DLG2: variants seen among roughly 807,000 people sequenced by gnomAD.
DLG2 encodes the protein discs large MAGUK scaffold protein 2, also known as disks large homolog 2.
In DLG2, 45 loss-of-function variants were observed where a neutral mutation model predicts 132.5. The observed-to-expected ratio is 0.34, with a 90% CI of 0.27 to 0.44. The LOEUF (loss-of-function observed/expected upper bound fraction) is 0.44, where lower values mean the gene tolerates loss of function less well. Ranked by LOEUF, DLG2 falls within the 20% of genes least tolerant of loss-of-function variation. DLG2 has a pLI of 1.00. For missense variants in DLG2, 1,045 were observed against 1,196.9 expected, an observed-to-expected ratio of 0.87 and a Z score of 1.87; for synonymous variants, 424 against 419.6, an observed-to-expected ratio of 1.01 and a Z score of -0.13.
chr11:85,458,622 G>A (rs1289113519), intron 3 of DLG2, among the ~76,000 whole-genome samples: 1 of 152,160 alleles, frequency 6.6e-6, no homozygotes, highest in Non-Finnish European at 1.5e-5. Flanking sequence ...GTTTTCAGAG[G>A]GCTGAGGCTT....
At chr11:84,659,412 A>G (rs530080267) in intron 6 of DLG2, among the ~76,000 whole-genome samples, 122 of 152,178 alleles carry the variant, frequency 8.0e-4, no homozygotes, top group African/African-American at 2.8e-3. Flanking sequence ...TCCTCTTAAT[A>G]TATCTCTTGA....
At chr11:84,788,618 T>C (rs2073324712) in intron 6 of DLG2, among the ~76,000 whole-genome samples, 1 of 152,134 alleles carries the variant, frequency 6.6e-6, no homozygotes, top group Non-Finnish European at 1.5e-5. Flanking sequence ...GTATATTTAT[T>C]ATAAATATAG....
intron 11 of DLG2, among the ~76,000 whole-genome samples, chr11:84,004,639 A>G (rs1592868374): frequency 6.6e-6 from 1 of 152,052 alleles, no homozygotes; most frequent in Admixed American, 6.6e-5. Context: ...CTGTACAACA[A>G]TAATAGTCAA....
At chr11:83,945,057 C>T (rs145111157) in intron 14 of DLG2, among the ~76,000 whole-genome samples, 5 of 152,252 alleles carry the variant, frequency 3.3e-5, no homozygotes, top group Non-Finnish European at 7.4e-5. Context: ...TATATGGTCA[C>T]AAATACCATC....
chr11:85,517,086 T>C (rs2094184245), intron 3 of DLG2, among the ~76,000 whole-genome samples: 1 of 152,066 alleles, frequency 6.6e-6, no homozygotes, highest in African/African-American at 2.4e-5. Flanking sequence ...CATGATCAAG[T>C]AGGGTTTATT....
At chr11:84,075,767 T>C (rs2096822107) in intron 10 of DLG2, among the ~76,000 whole-genome samples, 1 of 152,186 alleles carries the variant, frequency 6.6e-6, no homozygotes, top group African/African-American at 2.4e-5. Flanking sequence ...GTACTTATAC[T>C]CCTCATCTCT....
In DLG2 at chr11:85,259,257, C is replaced by G. The variant is rs537273282; in HGVS notation, c.186+25963G>C. ...TGTTTGAAAGTGTGTAACACCACCCCCTTCGCTCTCTCCTCTCTCCTGCTT... is the reference window on the plus strand; with the variant it reads ...TGTTTGAAAGTGTGTAACACCACCCGCTTCGCTCTCTCCTCTCTCCTGCTT... On this transcript the variant is annotated intron_variant, in intron 4 of 27. Transcript: ENST00000376104. 3.5e-4 allele frequency among the ~76,000 whole-genome samples: 53 copies of G among 152,186 alleles called. 2 individuals carry two copies. The South Asian group carries it at 0.01, about 30-fold the overall frequency.
intron 3 of DLG2, among the ~76,000 whole-genome samples, chr11:85,562,762 G>A (rs1161997208): frequency 6.6e-6 from 1 of 151,708 alleles, no homozygotes; most frequent in East Asian, 1.9e-4. Flanking sequence ...CCCATCTGCT[G>A]AGCCCTTTTA....
intron 8 of DLG2, among the ~76,000 whole-genome samples, chr11:84,206,978 C>T (rs2096675053): frequency 6.6e-6 from 1 of 151,598 alleles, no homozygotes; most frequent in South Asian, 2.1e-4. Context: ...ATGTATATTA[C>T]CAACCAACTG....
At position 84,502,240 on chromosome 11, in the gene DLG2, TTC is replaced by T; in HGVS notation, c.519+32328_519+32329del. Among the ~76,000 whole-genome samples the T allele has an allele frequency of 5.6e-5, 2 of 35,588 alleles. 1 individual carries two copies. The highest frequency in any genetic ancestry group is 9.4e-4 in the African/African-American group (2 of 2,118). 23.3% of individuals were successfully genotyped at this position (35,588 alleles called of 152,430 possible). A position where few individuals can be genotyped will look rare whatever the true frequency, so the allele number is the denominator to read the frequency against. On this transcript the variant is annotated intron_variant, in intron 7 of 27. Coordinates refer to ENST00000376104, the MANE Select transcript of DLG2 (RefSeq NM_001142699.3). ...CTTCCTTCCTTCCTTCCTTCCTTCC[TTC>T]CTTCCTTCCTTCCTTCCTTCCTTCC...
chr11:83,945,086 A>C (rs886851365), intron 14 of DLG2, among the ~76,000 whole-genome samples: 2 of 152,126 alleles, frequency 1.3e-5, no homozygotes, highest in Non-Finnish European at 1.5e-5. Context: ...TCTGTACAAC[A>C]ACAAACTTTC....
intron 15 of DLG2, among the ~76,000 whole-genome samples, chr11:83,885,344 T>C (rs889657349): frequency 6.6e-6 from 1 of 152,018 alleles, no homozygotes; most frequent in Admixed American, 6.6e-5. Flanking sequence ...AGAAAGGGTA[T>C]CAGTGATGGA....
chr11:83,877,054 C>A (rs2064956221), intron 15 of DLG2, among the ~76,000 whole-genome samples: 1 of 151,998 alleles, frequency 6.6e-6, no homozygotes, highest in African/African-American at 2.4e-5. Context: ...ATGCGTTTCC[C>A]AAAATGGAAA....
At chr11:83,641,864 T>TGA (rs1363739525) in intron 18 of DLG2, among the ~76,000 whole-genome samples, 1 of 4,090 alleles carries the variant, frequency 2.4e-4, no homozygotes, top group Admixed American at 0.018. Flanking sequence ...AGAGAGGGAG[T>TGA]GTGTGTGTGT....
chr11:84,287,156 T>G (rs929805334), intron 7 of DLG2, among the ~76,000 whole-genome samples: 9 of 152,234 alleles, frequency 5.9e-5, no homozygotes, highest in African/African-American at 2.2e-4. Flanking sequence ...TACATATTTC[T>G]ATTTCTGTGT....
chr11:85,443,478 CTA>C (rs1011834033), intron 3 of DLG2, among the ~76,000 whole-genome samples: 3 of 152,102 alleles, frequency 2.0e-5, no homozygotes, highest in Non-Finnish European at 4.4e-5. Context: ...CTTTAATATT[CTA>C]TGTTTCTCTG....
At chr11:84,314,990 T>C (rs755073573) in intron 7 of DLG2, among the ~76,000 whole-genome samples, 1 of 152,148 alleles carries the variant, frequency 6.6e-6, no homozygotes, top group Non-Finnish European at 1.5e-5. Context: ...TATGGTTTCA[T>C]AGCTCCAGTA....
chr11:83,953,090 A>G (rs758495560), intron 14 of DLG2, among the ~76,000 whole-genome samples: 21 of 152,238 alleles, frequency 1.4e-4, no homozygotes, highest in Non-Finnish European at 2.6e-4. Context: ...CTAGAAGTAA[A>G]AAATGAACGA....
chr11:84,626,152 A>AATATGGTC (rs2099622165), intron 6 of DLG2, among the ~76,000 whole-genome samples: 1 of 152,236 alleles, frequency 6.6e-6, no homozygotes. Flanking sequence ...TGCATTAAAT[A>AATATGGTC]ATATGGTCCT....
Sources: allele counts gnomAD v4.1 joint callset (sites outside exome capture counted in the v4.1 genomes callset), GRCh38; gene constraint gnomAD v4.1.1; transcripts MANE v1.5; gene names NCBI Gene and HGNC (gene_info 2026-07-23, HGNC 2026-07-21).